Variants in EPHA6 observed in about 807,000 individuals in gnomAD.
The protein encoded by EPHA6 is EPH receptor A6, also known as ephrin type-A receptor 6.
EPHA6 carries 50 observed loss-of-function variants against 112.0 expected under a neutral mutation model. The observed-to-expected ratio is 0.45, with a 90% CI of 0.36 to 0.56. The LOEUF is 0.56. EPHA6 is among the 20% of genes least tolerant of loss of function. EPHA6 has a pLI of 0.00. For synonymous variants in EPHA6, 529 were observed against 490.7 expected (o/e 1.08, Z -1.03); for missense variants, 1,280 against 1,417.4 (o/e 0.90, Z 1.56).
intron 3 of EPHA6, among the ~76,000 whole-genome samples, chr3:97,136,304 G>C (rs943043214): frequency 2.0e-5 from 3 of 152,080 alleles, no homozygotes; most frequent in Non-Finnish European, 4.4e-5. Flanking sequence ...CTAAATGAGA[G>C]ATGTAATTTT....
At chr3:96,817,866 C>G (rs1464736504) in intron 1 of EPHA6, among the ~76,000 whole-genome samples, 2 of 151,834 alleles carry the variant, frequency 1.3e-5, no homozygotes, top group South Asian at 2.1e-4. Flanking sequence ...AGTAACTTGA[C>G]TATAGAAAGG....
chr3:97,556,249 CT>C (rs1331293135), intron 11 of EPHA6, among the ~76,000 whole-genome samples: 3 of 151,980 alleles, frequency 2.0e-5, no homozygotes, highest in African/African-American at 7.2e-5. Flanking sequence ...TCGTGTGACC[CT>C]TTTGTTTCTA....
intron 3 of EPHA6, among the ~76,000 whole-genome samples, chr3:97,002,356 T>G (rs1275874581): frequency 6.6e-6 from 1 of 150,400 alleles, no homozygotes; most frequent in East Asian, 1.9e-4. Flanking sequence ...AATTAGCCTA[T>G]AAAATAAATA....
chr3:97,643,003 G>A (rs904713950), intron 14 of EPHA6, among the ~76,000 whole-genome samples: 3 of 151,604 alleles, frequency 2.0e-5, no homozygotes, highest in African/African-American at 4.9e-5. Context: ...ATTCACCAAA[G>A]TTGAAATGAA....
intron 3 of EPHA6, among the ~76,000 whole-genome samples, chr3:97,141,447 A>G (rs1395065918): frequency 2.0e-5 from 3 of 152,062 alleles, no homozygotes; most frequent in African/African-American, 4.8e-5. Flanking sequence ...GCAAGCCTCA[A>G]TAAAATCAAA....
intron 5 of EPHA6, among the ~76,000 whole-genome samples, chr3:97,339,418 T>C (rs2083204307): frequency 6.6e-6 from 1 of 152,174 alleles, no homozygotes; most frequent in Non-Finnish European, 1.5e-5. Context: ...TAATTTACTT[T>C]TTACCTCATG....
At chr3:97,520,126 C>G (rs747273965) in intron 10 of EPHA6, among the ~76,000 whole-genome samples, 20 of 151,958 alleles carry the variant, frequency 1.3e-4, no homozygotes, top group Non-Finnish European at 2.2e-4. Flanking sequence ...CGCCACCACG[C>G]CCAGCTAATG....
At chr3:97,648,019 A>G (rs184900968) in intron 14 of EPHA6, among the ~76,000 whole-genome samples, 1 of 152,300 alleles carries the variant, frequency 6.6e-6, no homozygotes, top group East Asian at 1.9e-4. Context: ...TCTCATGAGT[A>G]AACTTCTTTT....
chr3:97,316,438 C>G (rs953883447), intron 5 of EPHA6, among the ~76,000 whole-genome samples: 2 of 151,862 alleles, frequency 1.3e-5, no homozygotes, highest in African/African-American at 4.8e-5. Context: ...GTTCCACATG[C>G]AAGGAGAAAC....
chr3:97,734,539 G>C (rs2035174539), intron 15 of EPHA6, among the ~76,000 whole-genome samples: 1 of 151,988 alleles, frequency 6.6e-6, no homozygotes, highest in African/African-American at 2.4e-5. Flanking sequence ...ACAATGATGG[G>C]ATTATGAGAA....
chr3:97,017,574 C>T (rs189085067), intron 3 of EPHA6, among the ~76,000 whole-genome samples: 1 of 152,174 alleles, frequency 6.6e-6, no homozygotes, highest in African/African-American at 2.4e-5. Flanking sequence ...TAGGGCTGAA[C>T]TGGACTCACA....
At chr3:96,992,803 T>C (rs1163628226) in intron 3 of EPHA6, among the ~76,000 whole-genome samples, 1 of 152,200 alleles carries the variant, frequency 6.6e-6, no homozygotes, top group Non-Finnish European at 1.5e-5. Flanking sequence ...CCTAGCTGCT[T>C]TTGTACCCTT....
chr3:97,571,205 A>T (rs1159468731), intron 11 of EPHA6, among the ~76,000 whole-genome samples: 2 of 152,134 alleles, frequency 1.3e-5, no homozygotes, highest in African/African-American at 4.8e-5. Flanking sequence ...TGCTGCCAGG[A>T]TGGCCTGGAA....
intron 7 of EPHA6, among the ~76,000 whole-genome samples, chr3:97,468,552 G>A (rs1577495219): frequency 6.6e-6 from 1 of 151,270 alleles, no homozygotes; most frequent in South Asian, 2.1e-4. Context: ...ATAATACTAA[G>A]TTGACTATTT....
chr3:97,720,281 G>T lies in EPHA6; in HGVS notation c.2805G>T (p.Arg935Ser), dbSNP rs2034468231. The T allele has an allele frequency of 6.3e-7, 1 of 1,597,934 alleles. No homozygotes were observed. The highest frequency in any genetic ancestry group is 1.8e-5 in the Admixed American group (1 of 57,096). The change falls in exon 15 of 18, where the codon AGG becomes AGT. Residue 935 changes from arginine (R) to serine (S), a missense_variant. Transcript: ENST00000389672. ...YTTTGGKIPI[R>S]WTAPEAIAYR... The stretch of plus-strand genomic sequence containing the variant: ...TCCAGGGTGGAAAAATCCCCATAAG[G>T]TGGACAGCCCCAGAAGCCATCGCCT...
chr3:97,571,367 C>A (rs1437618), intron 11 of EPHA6, among the ~76,000 whole-genome samples: 39,741 of 151,168 alleles, frequency 0.26, 7,783 homozygotes, highest in African/African-American at 0.54. Context: ...GGAGAAAAAC[C>A]CTCCTTAAAA....
chr3:97,484,283 CT>C (rs933964061), intron 10 of EPHA6, among the ~76,000 whole-genome samples: 4 of 151,856 alleles, frequency 2.6e-5, no homozygotes, highest in African/African-American at 9.7e-5. Flanking sequence ...ATTCTATAGT[CT>C]TTTTTTATAG....
intron 5 of EPHA6, among the ~76,000 whole-genome samples, chr3:97,393,608 A>C (rs1458689089): frequency 2.0e-5 from 3 of 151,734 alleles, no homozygotes; most frequent in Non-Finnish European, 4.4e-5. Flanking sequence ...TTCTGTGCAA[A>C]CGTTTTCACA....
intron 5 of EPHA6, among the ~76,000 whole-genome samples, chr3:97,255,919 A>G (rs2079294924): frequency 6.6e-6 from 1 of 152,172 alleles, no homozygotes. Flanking sequence ...TCTTTGTTAA[A>G]CAAAATTTTA....
Sources: gnomAD v4.1 joint callset for allele counts (sites outside exome capture counted in the v4.1 genomes callset) on GRCh38, gnomAD v4.1.1 for gene constraint, MANE v1.5 for transcripts, NCBI Gene and HGNC (gene_info 2026-07-23, HGNC 2026-07-21) for gene names.